Variants in AKR1C3 observed in about 807,000 individuals in gnomAD.
The protein encoded by AKR1C3 is 3-alpha hydroxysteroid dehydrogenase, type II.
A neutral mutation model predicts 43.6 loss-of-function variants in AKR1C3; 48 were observed. The observed-to-expected ratio is 1.10, with a 90% confidence interval of 0.87 to 1.40. The LOEUF (loss-of-function observed/expected upper bound fraction) is 1.40, where lower values mean the gene tolerates loss of function less well. AKR1C3 is among the 40% of genes most tolerant of loss of function. The pLI, the probability that AKR1C3 is intolerant of heterozygous loss-of-function variation, is 0.00. For missense variants in AKR1C3, 482 were observed against 391.2 expected (o/e 1.23, Z -1.96); for synonymous variants, 162 against 139.6 (o/e 1.16, Z -1.13).
At chr10:5,067,014 G>A (rs1838519517) in intron 1 of AKR1C3, among the ~76,000 whole-genome samples, 1 of 151,924 alleles carries the variant, frequency 6.6e-6, no homozygotes, top group South Asian at 2.1e-4. Context: ...CCCATGATGT[G>A]GATTAAGAGG....
chr10:5,103,880 G>C (rs1192642882), intron 7 of AKR1C3, among the ~76,000 whole-genome samples: 1 of 152,106 alleles, frequency 6.6e-6, no homozygotes, highest in African/African-American at 2.4e-5. Flanking sequence ...GTTGGAGGAA[G>C]TGTTTCTTAT....
intron 1 of AKR1C3, among the ~76,000 whole-genome samples, chr10:5,054,617 T>C (rs1554779347): frequency 6.6e-6 from 1 of 152,150 alleles, no homozygotes; most frequent in Non-Finnish European, 1.5e-5. Flanking sequence ...ACTACTTCCA[T>C]CTCTCTTTCT....
intron 1 of AKR1C3, among the ~76,000 whole-genome samples, chr10:5,082,523 C>T (rs782373927): frequency 1.3e-4 from 20 of 151,942 alleles, no homozygotes; most frequent in Non-Finnish European, 2.5e-4. Context: ...TATCAAAACT[C>T]GGCATCTGTT....
chr10:5,101,225 T>C (rs1450509579), intron 5 of AKR1C3, among the ~76,000 whole-genome samples: 2 of 152,202 alleles, frequency 1.3e-5, no homozygotes, highest in African/African-American at 4.8e-5. Context: ...TATAATCCAC[T>C]GGGTGATAAT....
intron 1 of AKR1C3, among the ~76,000 whole-genome samples, chr10:5,066,390 C>G (rs1554780800): frequency 6.6e-6 from 1 of 152,180 alleles, no homozygotes; most frequent in African/African-American, 2.4e-5. Context: ...CTTAGTGCCA[C>G]TCTCAGTTAC....
chr10:5,086,563 G>A (rs1838970153), intron 1 of AKR1C3, among the ~76,000 whole-genome samples: 1 of 151,830 alleles, frequency 6.6e-6, no homozygotes, highest in Admixed American at 6.6e-5. Flanking sequence ...TTGATTTGGG[G>A]TGGAGAGCTC....
chr10:5,105,369 CTT>C (rs1839473953), intron 7 of AKR1C3: 5 of 349,054 alleles, frequency 1.4e-5, no homozygotes, highest in Admixed American at 8.7e-5. Context: ...GAAATTTTCT[CTT>C]TGTCTGCAGA....
chr10:5,096,617 T>C (rs782583874), intron 2 of AKR1C3, 40 bp downstream of exon 2: 2 of 1,584,376 alleles, frequency 1.3e-6, no homozygotes, highest in Non-Finnish European at 1.7e-6. Context: ...CATGTATTTA[T>C]TGTGATTGTG....
intron 1 of AKR1C3, among the ~76,000 whole-genome samples, chr10:5,080,280 A>T (rs1441139719): frequency 6.6e-6 from 1 of 152,158 alleles, no homozygotes; most frequent in Admixed American, 6.5e-5. Context: ...TTCCTTGTGC[A>T]AGTATACTTA....
intron 1 of AKR1C3, among the ~76,000 whole-genome samples, chr10:5,086,751 TG>T (rs1365362755): frequency 2.6e-5 from 4 of 152,232 alleles, no homozygotes; most frequent in Non-Finnish European, 4.4e-5. Flanking sequence ...TTTATGAATC[TG>T]GGTGCTCCTG....
intron 1 of AKR1C3, among the ~76,000 whole-genome samples, chr10:5,055,287 A>G (rs938477546): frequency 3.5e-4 from 54 of 152,262 alleles, no homozygotes; most frequent in African/African-American, 1.3e-3. Context: ...GCATAAATCT[A>G]GACTATAATT....
intron 1 of AKR1C3, among the ~76,000 whole-genome samples, chr10:5,075,646 G>A (rs191916394): frequency 5.3e-5 from 8 of 152,184 alleles, no homozygotes; most frequent in African/African-American, 1.9e-4. Flanking sequence ...AGGCTGAGGT[G>A]GGCGAATCAC....
chr10:5,102,666 G>A lies in AKR1C3; in HGVS notation c.846+16G>A. On this transcript the variant is annotated intron_variant, in intron 7 of 8. Transcript: ENST00000380554. Reference sequence around the variant, plus strand: ...GAACGTGCAGGTGAGGAGCGGGGCTGTGGGCCTCAGGTCTCCTGCACAGTG... The same window carrying A: ...GAACGTGCAGGTGAGGAGCGGGGCTATGGGCCTCAGGTCTCCTGCACAGTG... The A allele has an allele frequency of 6.9e-7, 1 of 1,451,774 alleles. No individual in the cohort carries two copies. Among genetic ancestry groups the A allele is most frequent in the Non-Finnish European group, 9.1e-7 (1 of 1,099,422 alleles). 89.9% of individuals were successfully genotyped at this position (1,451,774 alleles called of 1,614,324 possible). A position where few individuals can be genotyped will look rare whatever the true frequency, so the allele number is the denominator to read the frequency against.
intron 1 of AKR1C3, among the ~76,000 whole-genome samples, chr10:5,060,893 G>A (rs551633665): frequency 1.5e-4 from 23 of 152,350 alleles, no homozygotes; most frequent in South Asian, 6.2e-4. Context: ...CAGGTGCTAA[G>A]TCCCTCACTG....
intron 5 of AKR1C3, 78 bp from the exon 6 acceptor site, chr10:5,102,023 C>A (rs1839363865): frequency 2.2e-6 from 2 of 906,534 alleles, no homozygotes; most frequent in Non-Finnish European, 3.6e-6. Context: ...TATTATTCAG[C>A]TTCCTTACTT....
At chr10:5,076,921 G>A (rs968914191) in intron 1 of AKR1C3, among the ~76,000 whole-genome samples, 14 of 152,230 alleles carry the variant, frequency 9.2e-5, no homozygotes, top group Non-Finnish European at 1.0e-4. Context: ...GAAAAATCTG[G>A]TTTTTGAAGT....
intron 1 of AKR1C3, among the ~76,000 whole-genome samples, chr10:5,084,060 TATC>T (rs1398309254): frequency 2.0e-5 from 3 of 152,246 alleles, no homozygotes; most frequent in Non-Finnish European, 4.4e-5. Flanking sequence ...TTTCTTTTGC[TATC>T]AGAAGCTCTT....
chr10:5,103,386 A>G (rs112427277), intron 7 of AKR1C3, among the ~76,000 whole-genome samples: 2,728 of 151,766 alleles, frequency 0.018, 81 homozygotes, highest in African/African-American at 0.062. Flanking sequence ...AGTATAGGAG[A>G]CCATAATTAT....
chr10:5,050,955 C>T (rs1266909656), intron 1 of AKR1C3, among the ~76,000 whole-genome samples: 2 of 152,188 alleles, frequency 1.3e-5, no homozygotes, highest in Admixed American at 6.5e-5. Context: ...GTATAACTTG[C>T]CTCTTCTTCT....
Sources: allele counts gnomAD v4.1 joint callset (sites outside exome capture counted in the v4.1 genomes callset), GRCh38; gene constraint gnomAD v4.1.1; transcripts MANE v1.5; gene names NCBI Gene and HGNC (gene_info 2026-07-23, HGNC 2026-07-21).